SLC25A26: variants seen among roughly 807,000 people sequenced by gnomAD.
The protein encoded by SLC25A26 is solute carrier family 25 member 26.
A neutral mutation model predicts 37.8 loss-of-function variants in SLC25A26; 36 were observed. That is an observed-to-expected ratio of 0.95 (90% CI 0.73 to 1.26). The LOEUF (loss-of-function observed/expected upper bound fraction) is 1.26, where lower values mean the gene tolerates loss of function less well. Among genes scored for constraint, SLC25A26 ranks in the 50% most tolerant of loss-of-function variants. SLC25A26 has a pLI of 0.00. For synonymous variants in SLC25A26, 129 were observed against 122.5 expected (o/e 1.05, Z -0.35); for missense variants, 390 against 331.1 (o/e 1.18, Z -1.38).
In SLC25A26 at chr3:66,289,684, G is replaced by A. The variant is rs534360196; in HGVS notation, c.453+26305G>A. The stretch of plus-strand genomic sequence containing the variant: ...TTCTGTCCCTTGGGTTTGTATATGT[G>A]TTTTGGTACCAGTACCATGCTGTTT... On this transcript the variant is annotated intron_variant, in intron 5 of 9. Transcript: ENST00000354883. 7.9e-5 allele frequency among the ~76,000 whole-genome samples: 12 copies of A among 152,222 alleles called. No individual in the cohort carries two copies. The South Asian group carries it at 2.5e-3, about 32-fold the overall frequency.
chr3:66,344,326 G>A (rs1368761227), intron 5 of SLC25A26, among the ~76,000 whole-genome samples: 1 of 152,144 alleles, frequency 6.6e-6, no homozygotes, highest in Non-Finnish European at 1.5e-5. Flanking sequence ...AGCCAGGCGT[G>A]GTGGCACATA....
chr3:66,175,058 C>T (rs1358752873), intron 1 of SLC25A26, among the ~76,000 whole-genome samples: 2 of 143,948 alleles, frequency 1.4e-5, no homozygotes, highest in Non-Finnish European at 3.0e-5. Context: ...TCAGGATTCT[C>T]CAGAGATACA....
At chr3:66,301,765 A>C (rs1171730824) in intron 5 of SLC25A26, among the ~76,000 whole-genome samples, 3 of 152,228 alleles carry the variant, frequency 2.0e-5, no homozygotes, top group Non-Finnish European at 2.9e-5. Context: ...TTAAAAGCCT[A>C]CAGATACAAG....
At chr3:66,243,107 T>G (rs2072658956) in intron 2 of SLC25A26, 96 bp from the exon 3 acceptor site, 1 of 649,522 alleles carries the variant, frequency 1.5e-6, no homozygotes, top group Non-Finnish European at 2.7e-6. Flanking sequence ...ATCTCATAAT[T>G]TAATAATTAT....
chr3:66,175,433 C>T (rs1207773801), intron 1 of SLC25A26, among the ~76,000 whole-genome samples: 1 of 151,974 alleles, frequency 6.6e-6, no homozygotes, highest in Non-Finnish European at 1.5e-5. Context: ...CCATGTTGCC[C>T]GGGCTCGTCT....
At chr3:66,230,224 G>A (rs2071949048) in intron 1 of SLC25A26, among the ~76,000 whole-genome samples, 1 of 152,126 alleles carries the variant, frequency 6.6e-6, no homozygotes, top group African/African-American at 2.4e-5. Context: ...GGATCTAAAC[G>A]TCAGACATGA....
At chr3:66,370,135 A>T (rs1010730009) in intron 8 of SLC25A26, among the ~76,000 whole-genome samples, 2 of 152,232 alleles carry the variant, frequency 1.3e-5, no homozygotes, top group African/African-American at 2.4e-5. Flanking sequence ...CACGTTTTAA[A>T]TGGAACATTT....
chr3:66,280,618 C>G (rs1052249145), intron 5 of SLC25A26, among the ~76,000 whole-genome samples: 1 of 152,106 alleles, frequency 6.6e-6, no homozygotes, highest in African/African-American at 2.4e-5. Flanking sequence ...CCTTTCTACT[C>G]TTTGAGGTAT....
chr3:66,231,211 C>T (rs1371069006), intron 1 of SLC25A26, among the ~76,000 whole-genome samples: 2 of 151,986 alleles, frequency 1.3e-5, no homozygotes, highest in Non-Finnish European at 2.9e-5. Context: ...TTGAGATGTT[C>T]GAGTAGTCAG....
intron 1 of SLC25A26, among the ~76,000 whole-genome samples, chr3:66,147,822 G>A (rs62245239): frequency 5.3e-5 from 8 of 151,940 alleles, no homozygotes; most frequent in African/African-American, 1.9e-4. Context: ...ACAGTGGCAC[G>A]ATCTCAGTTC....
At chr3:66,258,512 A>G (rs527366063) in intron 3 of SLC25A26, among the ~76,000 whole-genome samples, 2 of 152,322 alleles carry the variant, frequency 1.3e-5, no homozygotes, top group East Asian at 1.9e-4. Context: ...TCTGTAAATG[A>G]ATGTTCAGCT....
intron 6 of SLC25A26, among the ~76,000 whole-genome samples, chr3:66,352,435 G>GTTTTTTT (rs376280552): frequency 4.6e-5 from 6 of 131,172 alleles, no homozygotes; most frequent in African/African-American, 1.5e-4. Context: ...TTTGTTTTTT[G>GTTTTTTT]TTTTTTGTTT....
chr3:66,287,347 A>G (rs1373502065), intron 5 of SLC25A26, among the ~76,000 whole-genome samples: 4 of 152,028 alleles, frequency 2.6e-5, no homozygotes, highest in Admixed American at 6.5e-5. Flanking sequence ...CTCTCCTAAA[A>G]CATCTCTTTG....
At chr3:66,217,422 C>T (rs1019210018), upstream of SLC25A26, among the ~76,000 whole-genome samples, 4 of 152,082 alleles carry the variant, frequency 2.6e-5, no homozygotes, top group South Asian at 6.2e-4. Context: ...TAGGAAAATA[C>T]GGAATAAACC....
chr3:66,223,603 C>T (rs1553659478), intron 1 of SLC25A26, among the ~76,000 whole-genome samples: 1 of 152,152 alleles, frequency 6.6e-6, no homozygotes, highest in East Asian at 1.9e-4. Flanking sequence ...GTACCTGGCA[C>T]TAGGTAAGCA....
At chr3:66,158,929 G>T (rs577305242) in intron 1 of SLC25A26, among the ~76,000 whole-genome samples, 1 of 152,112 alleles carries the variant, frequency 6.6e-6, no homozygotes, top group Non-Finnish European at 1.5e-5. Context: ...GTTCAACAGC[G>T]TAGGGGACCT....
intron 6 of SLC25A26, among the ~76,000 whole-genome samples, chr3:66,359,754 T>C (rs2076656046): frequency 1.3e-5 from 2 of 152,346 alleles, no homozygotes; most frequent in East Asian, 3.9e-4. Flanking sequence ...ATGGTTTCTA[T>C]TAAAGCATAC....
intron 6 of SLC25A26, among the ~76,000 whole-genome samples, chr3:66,358,460 C>G (rs2076625693): frequency 1.3e-5 from 2 of 152,160 alleles, no homozygotes. Context: ...TATTTTAAGT[C>G]ATTCCGGTAG....
At chr3:66,357,288 C>G (rs1212992877) in intron 6 of SLC25A26, among the ~76,000 whole-genome samples, 1 of 152,164 alleles carries the variant, frequency 6.6e-6, no homozygotes, top group South Asian at 2.1e-4. Context: ...ATGGCCCTTG[C>G]CCATAGTCCC....
Sources: allele counts gnomAD v4.1 joint callset (sites outside exome capture counted in the v4.1 genomes callset), GRCh38; gene constraint gnomAD v4.1.1; transcripts MANE v1.5; gene names NCBI Gene and HGNC (gene_info 2026-07-23, HGNC 2026-07-21).